Variants in FAT3 observed in about 807,000 individuals in gnomAD.
The protein encoded by FAT3 is protocadherin Fat 3.
In FAT3, 95 loss-of-function variants were observed where a neutral mutation model predicts 310.2. The observed-to-expected ratio is 0.31, with a 90% CI of 0.26 to 0.36. The LOEUF (loss-of-function observed/expected upper bound fraction) is 0.36, where lower values mean the gene tolerates loss of function less well. Ranked by LOEUF, FAT3 falls within the 10% of genes least tolerant of loss-of-function variation. The probability of loss-of-function intolerance (pLI) is 1.00; values close to 1 mark genes in which losing one functional copy is unlikely to be tolerated. For missense variants in FAT3, 5,408 were observed against 5,715.6 expected (o/e 0.95, Z 1.74); for synonymous variants, 2,314 against 2,192.9 (o/e 1.06, Z -1.54).
intron 4 of FAT3, among the ~76,000 whole-genome samples, chr11:92,760,423 T>C (rs1408976062): frequency 6.6e-6 from 1 of 152,240 alleles, no homozygotes; most frequent in African/African-American, 2.4e-5. Flanking sequence ...GATTCACTGT[T>C]GTTTTTCTCC....
At chr11:92,263,808 T>C (rs1039157063) in intron 1 of FAT3, among the ~76,000 whole-genome samples, 3 of 152,090 alleles carry the variant, frequency 2.0e-5, no homozygotes, top group Admixed American at 6.6e-5. Flanking sequence ...CCTCCCTTTT[T>C]TCATCTTGAT....
rs774230163 is a variant in FAT3 at position 92,890,803 on chromosome 11, A to G, written c.13460A>G (p.Gln4487Arg). ...AGCCCAGACTGCAGGAGAAGGCCCC[A>G]GTTTCATCCTAGCCAGTATCTCCCT... ...TLSPDCRRRP[Q>R]FHPSQYLPPH... The change falls in exon 28 of 28, where the codon CAG becomes CGG. Residue 4487 changes from glutamine to arginine, a missense_variant. Coordinates refer to ENST00000525166, the MANE Select transcript of FAT3 (RefSeq NM_001367949.2). 6.2e-7 allele frequency: 1 copy of G among 1,613,788 alleles called. No individual in the cohort carries two copies. Among genetic ancestry groups the G allele is most frequent in the Non-Finnish European group, 8.5e-7 (1 of 1,179,848 alleles).
Position 92,320,731 on chromosome 11 carries a change from A to C in FAT3, c.-17-31365A>C, listed in dbSNP as rs1221630555. 2.0e-5 allele frequency among the ~76,000 whole-genome samples: 3 copies of C among 152,108 alleles called. No homozygotes were observed. In the South Asian group the frequency reaches 6.2e-4, roughly 32 times the overall value. ...AAATACAAAAAAAAATTAGCTGGTCATGGTGGCACATACCTGCAATCCCAG... is the reference window on the plus strand; with the variant it reads ...AAATACAAAAAAAAATTAGCTGGTCCTGGTGGCACATACCTGCAATCCCAG... On this transcript the variant is annotated intron_variant, in intron 1 of 27. Coordinates refer to ENST00000525166, the MANE Select transcript of FAT3 (RefSeq NM_001367949.2).
At chr11:92,484,438 G>A (rs986550645) in intron 2 of FAT3, among the ~76,000 whole-genome samples, 2 of 152,100 alleles carry the variant, frequency 1.3e-5, no homozygotes, top group African/African-American at 4.8e-5. Flanking sequence ...TGATAAGAGT[G>A]CCCATTTGCA....
intron 1 of FAT3, among the ~76,000 whole-genome samples, chr11:92,323,065 A>G (rs925993216): frequency 2.0e-5 from 3 of 152,206 alleles, no homozygotes; most frequent in Non-Finnish European, 4.4e-5. Flanking sequence ...TGAATTTCTT[A>G]AATAGTAAGA....
intron 3 of FAT3, among the ~76,000 whole-genome samples, chr11:92,595,766 A>G (rs1489725452): frequency 1.3e-5 from 2 of 152,192 alleles, no homozygotes; most frequent in Admixed American, 6.5e-5. Flanking sequence ...CCTCATTTAT[A>G]TGGAGTTTCA....
At chr11:92,411,423 GGA>G (rs1450214261) in intron 2 of FAT3, among the ~76,000 whole-genome samples, 1 of 151,806 alleles carries the variant, frequency 6.6e-6, no homozygotes, top group South Asian at 2.1e-4. Context: ...GTAAGTGTGG[GGA>G]GAGATTGTGT....
Position 92,524,675 on chromosome 11 carries a change from G to A in FAT3, c.3334G>A (p.Gly1112Arg). Residue 1112 changes from glycine to arginine, a missense_variant, in exon 3 of 28, where the codon GGG becomes AGG. Gly to Arg is a moderately radical substitution (Grantham distance 125). Coordinates refer to ENST00000525166, the MANE Select transcript of FAT3 (RefSeq NM_001367949.2). ...AGACATTCTTGATCGGGAGACAATG[G>A]GGTCATACTGGCTAACAGTGTATGC... ...AADILDRETM[G>R]SYWLTVYATD... The A allele has an allele frequency of 6.2e-7, 1 of 1,613,746 alleles. No homozygotes were observed. The highest frequency in any genetic ancestry group is 1.1e-5 in the South Asian group (1 of 91,054).
intron 5 of FAT3, among the ~76,000 whole-genome samples, chr11:92,764,455 G>T (rs557400253): frequency 2.0e-5 from 3 of 152,032 alleles, no homozygotes; most frequent in Non-Finnish European, 1.5e-5. Flanking sequence ...ACTTCTGCAC[G>T]TATCATTCAC....
Position 92,353,686 on chromosome 11 carries a change from C to A in FAT3, c.1574C>A (p.Thr525Lys), listed in dbSNP as rs1370401927. ...NLLPFVINQF[T>K]GVISTTEELD... ...TTACCATTTGTCATTAATCAGTTTA[C>A]AGGTGTTATTAGCACAACTGAAGAA... Residue 525 changes from threonine (T) to lysine (K), a missense_variant, in exon 2 of 28, where the codon ACA becomes AAA. Transcript: ENST00000525166. The A allele has an allele frequency of 3.7e-6, 6 of 1,613,920 alleles. No individual in the cohort carries two copies. The highest frequency in any genetic ancestry group is 5.1e-6 in the Non-Finnish European group (6 of 1,179,876).
intron 3 of FAT3, among the ~76,000 whole-genome samples, chr11:92,536,243 A>T (rs896042475): frequency 3.3e-5 from 5 of 152,218 alleles, no homozygotes; most frequent in Non-Finnish European, 7.3e-5. Context: ...AAACCAACAC[A>T]TGTTGAGTTA....
chr11:92,323,229 ATG>A (rs560735542), intron 1 of FAT3, among the ~76,000 whole-genome samples: 403 of 151,056 alleles, frequency 2.7e-3, no homozygotes, highest in African/African-American at 8.9e-3. Context: ...ACATATATAT[ATG>A]TGTGTGTGTG....
At chr11:92,311,341 T>C (rs886815662) in intron 1 of FAT3, among the ~76,000 whole-genome samples, 7 of 152,214 alleles carry the variant, frequency 4.6e-5, no homozygotes, top group Non-Finnish European at 7.3e-5. Context: ...ATGTATTTTA[T>C]TGGGGACGGA....
intron 2 of FAT3, among the ~76,000 whole-genome samples, chr11:92,441,984 CT>C (rs1420854454): frequency 6.7e-6 from 1 of 149,822 alleles, no homozygotes; most frequent in Admixed American, 6.7e-5. Context: ...GAAGGGACAG[CT>C]TTTAAAAATT....
intron 3 of FAT3, among the ~76,000 whole-genome samples, chr11:92,548,271 G>A (rs1052509105): frequency 2.6e-5 from 4 of 152,032 alleles, no homozygotes; most frequent in East Asian, 1.9e-4. Context: ...TTATACTGTC[G>A]TATCAAGGGC....
At chr11:92,887,825 G>A (rs1011485958) in intron 25 of FAT3, among the ~76,000 whole-genome samples, 6 of 152,160 alleles carry the variant, frequency 3.9e-5, no homozygotes, top group Admixed American at 6.5e-5. Context: ...GCAGGGGAGG[G>A]AAGCAGGAAC....
rs138025304 is a variant in FAT3 at position 92,417,969 on chromosome 11, C to T, written c.3292+62565C>T. ...TAAACCAGCAGGTGCTTAATGAATTCCTGTTGAGTTAATGGGGGTGGAGGG... is the reference window on the plus strand; with the variant it reads ...TAAACCAGCAGGTGCTTAATGAATTTCTGTTGAGTTAATGGGGGTGGAGGG... On this transcript the variant is annotated intron_variant, in intron 2 of 27. Coordinates refer to ENST00000525166, the MANE Select transcript of FAT3 (RefSeq NM_001367949.2). Among the ~76,000 whole-genome samples the T allele has an allele frequency of 1.3e-3, 197 of 152,118 alleles. 5 individuals are homozygous for T. In the East Asian group the frequency reaches 0.021, roughly 16 times the overall value.
chr11:92,551,414 T>TTGTTTTGTGTGTG (rs35238743), intron 3 of FAT3, among the ~76,000 whole-genome samples: 15,295 of 128,824 alleles, frequency 0.12, 1,129 homozygotes, highest in East Asian at 0.28. Flanking sequence ...TTTTTTTGTT[T>TTGTTTTGTGTGTG]TGTGTGTGTG....
intron 4 of FAT3, among the ~76,000 whole-genome samples, chr11:92,751,059 C>T (rs1374222225): frequency 6.6e-6 from 1 of 152,156 alleles, no homozygotes; most frequent in South Asian, 2.1e-4. Context: ...AATTGCCATC[C>T]CTGCACAGGA....
Sources: gnomAD v4.1 joint callset for allele counts (sites outside exome capture counted in the v4.1 genomes callset) on GRCh38, gnomAD v4.1.1 for gene constraint, MANE v1.5 for transcripts, NCBI Gene and HGNC (gene_info 2026-07-23, HGNC 2026-07-21) for gene names.